Variants in TANC2 observed in about 807,000 individuals in gnomAD.
The protein encoded by TANC2 is protein TANC2.
In TANC2, 26 loss-of-function variants were observed where a neutral mutation model predicts 210.5. That is an observed-to-expected ratio of 0.12 (90% CI 0.09 to 0.17). The LOEUF is 0.17. Among genes scored for constraint, TANC2 ranks in the 10% least tolerant of loss-of-function variants. The pLI, the probability that TANC2 is intolerant of heterozygous loss-of-function variation, is 1.00. For missense variants in TANC2, 2,129 were observed against 2,608.9 expected (o/e 0.82, Z 4.01); for synonymous variants, 931 against 967.1 (o/e 0.96, Z 0.69).
intron 14 of TANC2, among the ~76,000 whole-genome samples, chr17:63,362,576 C>T (rs2046997337): frequency 6.6e-6 from 1 of 152,246 alleles, no homozygotes; most frequent in South Asian, 2.1e-4. Flanking sequence ...CCTCAGCCTA[C>T]CCTCAGCCTC....
intron 7 of TANC2, among the ~76,000 whole-genome samples, chr17:63,228,938 T>C (rs184587227): frequency 7.2e-5 from 11 of 152,304 alleles, no homozygotes; most frequent in African/African-American, 2.2e-4. Context: ...CTTGCCTGAT[T>C]GCCCTGGCCA....
intron 4 of TANC2, among the ~76,000 whole-genome samples, chr17:63,122,829 G>A (rs1000421323): frequency 1.3e-5 from 2 of 152,220 alleles, no homozygotes; most frequent in African/African-American, 4.8e-5. Flanking sequence ...AAAGATGAGT[G>A]TGTTTTTTAA....
At chr17:63,269,969 G>A (rs72845228) in intron 9 of TANC2, among the ~76,000 whole-genome samples, 22,772 of 151,950 alleles carry the variant, frequency 0.15, 2,035 homozygotes, top group Middle Eastern at 0.21. Flanking sequence ...TTAATACTTA[G>A]GCTGGAGTTT....
intron 4 of TANC2, chr17:63,148,834 C>G (rs1257517460): frequency 6.6e-6 from 1 of 152,102 alleles, no homozygotes; most frequent in African/African-American, 2.4e-5. Context: ...CCCCATCTTC[C>G]AACTTGCCCT....
intron 18 of TANC2, 112 bp downstream of exon 18, chr17:63,396,040 G>A (rs1036659232): frequency 5.1e-6 from 5 of 974,248 alleles, no homozygotes; most frequent in East Asian, 5.3e-5. Context: ...ATGTGAATTC[G>A]TGATCGCTGC....
chr17:63,314,485 T>C, exon 10 of TANC2: 9 of 1,613,918 alleles, frequency 5.6e-6, no homozygotes, highest in Non-Finnish European at 6.8e-6. Flanking sequence ...TTGGCCGAGA[T>C]TGGGTTTTCC....
intron 6 of TANC2, among the ~76,000 whole-genome samples, chr17:63,198,206 T>C (rs2041410113): frequency 6.6e-6 from 1 of 151,770 alleles, no homozygotes; most frequent in Non-Finnish European, 1.5e-5. Context: ...TTTTTTTTCT[T>C]TTTTTTTGAG....
At chr17:63,064,608 A>G (rs950332240) in intron 2 of TANC2, among the ~76,000 whole-genome samples, 1 of 152,186 alleles carries the variant, frequency 6.6e-6, no homozygotes, top group Non-Finnish European at 1.5e-5. Context: ...AACTCCTTAT[A>G]GAGCCTTTTT....
In TANC2 at chr17:63,060,946, G is replaced by A. The variant is rs79016509; in HGVS notation, c.68-12997G>A. ...GTTTTGGAAATGAGGTTTGATGTGT[G>A]CCTACAGTCCCAGCTACTTGGGAGG... On this transcript the variant is annotated intron_variant, in intron 2 of 27. Coordinates refer to ENST00000689528, the Ensembl canonical transcript of TANC2. Among the ~76,000 whole-genome samples the A allele has an allele frequency of 4.7e-4, 71 of 152,262 alleles. No homozygotes were observed. In the East Asian group the frequency reaches 0.013, roughly 28 times the overall value.
chr17:63,169,787 C>T (rs1277601374), intron 5 of TANC2, among the ~76,000 whole-genome samples: 1 of 151,532 alleles, frequency 6.6e-6, no homozygotes, highest in Non-Finnish European at 1.5e-5. Flanking sequence ...GCACTCCAGC[C>T]TGGCAACAAA....
rs375130862 is a variant in TANC2 at position 63,196,149 on chromosome 17, A to G, written c.582+2010A>G. Among the ~76,000 whole-genome samples the G allele has an allele frequency of 7.9e-5, 12 of 152,064 alleles. No homozygotes were observed. In the East Asian group the frequency reaches 2.1e-3, roughly 27 times the overall value. The stretch of plus-strand genomic sequence containing the variant: ...TTACCATTAACTGATATTACATTAC[A>G]TGTTTAGTTGTGGGGTTGTTTTACC... On this transcript the variant is annotated intron_variant, in intron 6 of 27. Transcript: ENST00000689528.
chr17:63,407,631 C>A (rs1694919368), intron 21 of TANC2, among the ~76,000 whole-genome samples: 1 of 152,184 alleles, frequency 6.6e-6, no homozygotes, highest in Non-Finnish European at 1.5e-5. Flanking sequence ...ATTAGCAGAA[C>A]ACTATACTAG....
chr17:63,136,881 A>T (rs1444367888), intron 4 of TANC2, among the ~76,000 whole-genome samples: 1 of 152,116 alleles, frequency 6.6e-6, no homozygotes, highest in Non-Finnish European at 1.5e-5. Context: ...TGCTGAATTG[A>T]GATCAGAGAT....
At chr17:63,082,975 T>A (rs8078488) in intron 3 of TANC2, among the ~76,000 whole-genome samples, 9,639 of 152,298 alleles carry the variant, frequency 0.063, 501 homozygotes, top group African/African-American at 0.14. Flanking sequence ...GATATCTTTG[T>A]AATCAGTTTT....
chr17:62,972,858 T>C (rs1314045995), intron 1 of TANC2, among the ~76,000 whole-genome samples: 5 of 152,132 alleles, frequency 3.3e-5, no homozygotes, highest in Non-Finnish European at 7.4e-5. Flanking sequence ...CTTTTTTTCA[T>C]GGACTACTCC....
chr17:63,052,992 T>G (rs1457007985), intron 2 of TANC2, among the ~76,000 whole-genome samples: 4 of 152,352 alleles, frequency 2.6e-5, no homozygotes, highest in Admixed American at 1.3e-4. Context: ...CAGGCCAGAT[T>G]TGGCTCGCAA....
chr17:63,125,506 A>T (rs1266995319), intron 4 of TANC2, among the ~76,000 whole-genome samples: 1 of 152,168 alleles, frequency 6.6e-6, no homozygotes, highest in East Asian at 1.9e-4. Context: ...AGAAGGCTTA[A>T]ATTTATATGA....
intron 14 of TANC2, among the ~76,000 whole-genome samples, chr17:63,378,998 G>T (rs1567967922): frequency 6.6e-6 from 1 of 152,160 alleles, no homozygotes. Flanking sequence ...TAAAGAAAAA[G>T]ATACAGAATA....
intron 5 of TANC2, among the ~76,000 whole-genome samples, chr17:63,165,569 T>G (rs1283535312): frequency 6.6e-6 from 1 of 152,226 alleles, no homozygotes; most frequent in Non-Finnish European, 1.5e-5. Context: ...GGATTACTTC[T>G]TCCTAGAATG....
Sources: gnomAD v4.1 joint callset for allele counts (sites outside exome capture counted in the v4.1 genomes callset) on GRCh38, gnomAD v4.1.1 for gene constraint, MANE v1.5 for transcripts, NCBI Gene and HGNC (gene_info 2026-07-23, HGNC 2026-07-21) for gene names.